Variants in OSBPL8 observed in about 807,000 individuals in gnomAD.
OSBPL8 encodes the protein oxysterol binding protein like 8, also known as oxysterol-binding protein-related protein 8.
OSBPL8 carries 59 observed loss-of-function variants against 125.5 expected under a neutral mutation model. The ratio of observed to expected loss-of-function variants is 0.47; its 90% CI spans 0.38 to 0.58. The LOEUF is 0.58. Among genes scored for constraint, OSBPL8 ranks in the 20% least tolerant of loss-of-function variants. OSBPL8 has a pLI of 0.00. For missense variants in OSBPL8, 758 were observed against 1,047.8 expected, an observed-to-expected ratio of 0.72 and a Z score of 3.82; for synonymous variants, 330 against 338.9, an observed-to-expected ratio of 0.97 and a Z score of 0.29.
chr12:76,474,778 C>A lies in OSBPL8; in HGVS notation c.42+12732G>T, dbSNP rs558909609. On this transcript the variant is annotated intron_variant, in intron 2 of 23. Transcript: ENST00000261183. ...GATTACAGGCGTGAGCCACTGCACC[C>A]AGCCCGAAATTAAATTTTATGTCTA... Among the ~76,000 whole-genome samples, 153 of 152,308 alleles carry A rather than the reference C, an allele frequency of 1.0e-3. 1 individual carries two copies. The highest frequency in any genetic ancestry group is 3.6e-3 in the African/African-American group (151 of 41,564).
At chr12:76,390,129 C>A (rs1055771825) in intron 11 of OSBPL8, 2 of 416,944 alleles carry the variant, frequency 4.8e-6, no homozygotes, top group South Asian at 6.3e-5. Context: ...TATAAACTCA[C>A]GTTTCCTTGC....
chr12:76,361,289 A>G (rs964353153), intron 21 of OSBPL8, among the ~76,000 whole-genome samples: 2 of 152,212 alleles, frequency 1.3e-5, no homozygotes, highest in South Asian at 4.1e-4. Context: ...TCTTTGCTAA[A>G]GCATAACAAG....
intron 2 of OSBPL8, among the ~76,000 whole-genome samples, chr12:76,485,693 G>A (rs960917520): frequency 2.0e-5 from 3 of 152,184 alleles, no homozygotes; most frequent in Non-Finnish European, 4.4e-5. Context: ...TAGTAGTAAA[G>A]TATTCAGAGA....
chr12:76,433,289 CCT>C (rs1871066710), intron 4 of OSBPL8, among the ~76,000 whole-genome samples: 1 of 152,028 alleles, frequency 6.6e-6, no homozygotes, highest in Non-Finnish European at 1.5e-5. Flanking sequence ...TAAAACTCTC[CCT>C]GTTTGCAGAT....
chr12:76,397,877 G>A lies in OSBPL8; in HGVS notation c.489C>T (p.Ser163=). The change falls in exon 8 of 24, where the codon AGC becomes AGT. Residue 163 remains serine (S), a synonymous_variant. Coordinates refer to ENST00000261183, the MANE Select transcript of OSBPL8 (RefSeq NM_020841.5). ...TCAACACACACCATAACTTGGTCCA[G>A]CTCTTTAGAGTACCACGAATCTACA... ...DWLKIRGTLK[S]WTKLWCVLKP... is the part of the protein sequence containing the mutation. 1 of 1,613,986 alleles carries A rather than the reference G, an allele frequency of 6.2e-7. No individual in the cohort carries two copies. Among genetic ancestry groups the A allele is most frequent in the Non-Finnish European group, 8.5e-7 (1 of 1,179,956 alleles).
chr12:76,477,561 C>A (rs1263762066), intron 2 of OSBPL8, among the ~76,000 whole-genome samples: 2 of 152,042 alleles, frequency 1.3e-5, no homozygotes, highest in Non-Finnish European at 2.9e-5. Flanking sequence ...CAAAGAAAGT[C>A]TGACACACGG....
intron 1 of OSBPL8, among the ~76,000 whole-genome samples, chr12:76,554,693 C>T (rs1345218514): frequency 1.3e-5 from 2 of 152,152 alleles, no homozygotes; most frequent in Non-Finnish European, 1.5e-5. Flanking sequence ...AACAATTTCC[C>T]TCTGAATCTA....
rs1022969213 is a variant in OSBPL8 at position 76,354,264 on chromosome 12, T to G, written c.*1625A>C. 2.6e-5 allele frequency: 4 copies of G among 152,074 alleles called. No homozygotes were observed. The highest frequency in any genetic ancestry group is 6.6e-5 in the Admixed American group (1 of 15,264). 9.4% of individuals were successfully genotyped at this position (152,074 alleles called of 1,614,324 possible). On this transcript the variant is annotated 3_prime_UTR_variant, in exon 24 of 24. Coordinates refer to ENST00000261183, the MANE Select transcript of OSBPL8 (RefSeq NM_020841.5). ...TATCAATTTAAAACATCATTTCACA[T>G]GTACATATGGAATACAGCATTATTT...
intron 1 of OSBPL8, among the ~76,000 whole-genome samples, chr12:76,493,315 T>C (rs1878930268): frequency 6.6e-6 from 1 of 152,200 alleles, no homozygotes; most frequent in Admixed American, 6.5e-5. Flanking sequence ...AGCGTTTTAC[T>C]GGTGAGTTTT....
intron 22 of OSBPL8, 33 bp downstream of exon 22, chr12:76,358,671 TTA>T: frequency 6.7e-7 from 1 of 1,493,866 alleles, no homozygotes; most frequent in Non-Finnish European, 9.3e-7. Context: ...AATTAAAAAG[TTA>T]GACTCTCATT....
chr12:76,355,235 C>A lies in OSBPL8; in HGVS notation c.*654G>T, dbSNP rs1445586517. On this transcript the variant is annotated 3_prime_UTR_variant, in exon 24 of 24. Coordinates refer to ENST00000261183, the MANE Select transcript of OSBPL8 (RefSeq NM_020841.5). ...AAGTATATATATTTACCTGCATCTA[C>A]AAATATTAAATTCTAGGGGTTAAAA... 1 of 152,366 alleles carries A rather than the reference C, an allele frequency of 6.6e-6. No individual in the cohort carries two copies. Among genetic ancestry groups the A allele is most frequent in the Admixed American group, 6.6e-5 (1 of 15,252 alleles). 9.4% of individuals were successfully genotyped at this position (152,366 alleles called of 1,614,324 possible). A position where few individuals can be genotyped will look rare whatever the true frequency, so the allele number is the denominator to read the frequency against.
chr12:76,463,866 C>T (rs966854458), intron 2 of OSBPL8, among the ~76,000 whole-genome samples: 4 of 152,200 alleles, frequency 2.6e-5, no homozygotes, highest in Admixed American at 2.6e-4. Context: ...CTGAAGTCTT[C>T]TGCACATGGC....
intron 1 of OSBPL8, among the ~76,000 whole-genome samples, chr12:76,549,059 C>T (rs1361150186): frequency 6.6e-6 from 1 of 151,790 alleles, no homozygotes; most frequent in East Asian, 1.9e-4. Flanking sequence ...AACAACAAAA[C>T]TTACAGATTA....
chr12:76,466,293 T>C (rs561846448), intron 2 of OSBPL8, among the ~76,000 whole-genome samples: 1 of 152,296 alleles, frequency 6.6e-6, no homozygotes, highest in South Asian at 2.1e-4. Flanking sequence ...ATAAAGTTTT[T>C]AACTGATATT....
chr12:76,526,197 G>A (rs1291630592), intron 1 of OSBPL8, among the ~76,000 whole-genome samples: 3 of 152,170 alleles, frequency 2.0e-5, no homozygotes, highest in Non-Finnish European at 4.4e-5. Flanking sequence ...TCTTATGACA[G>A]ACGTTTTAAA....
intron 20 of OSBPL8, 46 bp from the exon 21 acceptor site, chr12:76,369,347 A>G: frequency 1.3e-6 from 2 of 1,557,906 alleles, no homozygotes; most frequent in Non-Finnish European, 1.7e-6. Context: ...ATGACTAAAC[A>G]AAGAACTTTA....
rs572444793 is a variant in OSBPL8, at chr12:76,375,317, A to T, written c.1783T>A (p.Cys595Ser). ...ATTGCACTGTATCCAGTTTTTTGAC[A>T]TGTAATATTGACTGTTCCACCAAGC... ...LELGGTVNIT[C>S]QKTGYSAILE... The change falls in exon 17 of 24, where the codon TGT becomes AGT. Residue 595 changes from cysteine (C) to serine (S), a missense_variant. Cys to Ser is a moderately radical substitution (Grantham distance 112, BLOSUM62 -1). Coordinates refer to ENST00000261183, the MANE Select transcript of OSBPL8 (RefSeq NM_020841.5). 6.2e-7 allele frequency: 1 copy of T among 1,612,326 alleles called. No homozygotes were observed. Among genetic ancestry groups the T allele is most frequent in the Non-Finnish European group, 8.5e-7 (1 of 1,179,152 alleles).
chr12:76,357,025 C>T (rs77697835), intron 22 of OSBPL8, among the ~76,000 whole-genome samples: 59 of 152,220 alleles, frequency 3.9e-4, no homozygotes, highest in East Asian at 3.5e-3. Flanking sequence ...AGGTATTACT[C>T]TCTTCTGTTC....
chr12:76,553,352 A>T (rs2137520980), intron 1 of OSBPL8, among the ~76,000 whole-genome samples: 1 of 152,234 alleles, frequency 6.6e-6, no homozygotes, highest in Admixed American at 6.5e-5. Flanking sequence ...TCAACTGTAC[A>T]GATCTGTGTC....
Sources: gnomAD v4.1 joint callset for allele counts (sites outside exome capture counted in the v4.1 genomes callset) on GRCh38, gnomAD v4.1.1 for gene constraint, MANE v1.5 for transcripts, NCBI Gene and HGNC (gene_info 2026-07-23, HGNC 2026-07-21) for gene names.